PLEKHN1: variants seen among roughly 807,000 people sequenced by gnomAD.
PLEKHN1 encodes pleckstrin homology domain-containing family N member 1.
A neutral mutation model predicts 72.8 loss-of-function variants in PLEKHN1; 68 were observed. The ratio of observed to expected loss-of-function variants is 0.93; its 90% CI spans 0.77 to 1.14. The LOEUF is 1.14. Ranked by LOEUF, PLEKHN1 falls within the 50% of genes most tolerant of loss-of-function variation. PLEKHN1 has a pLI of 0.00. For synonymous variants in PLEKHN1, 454 were observed against 371.6 expected (o/e 1.22, Z -2.55); for missense variants, 1,015 against 840.5 (o/e 1.21, Z -2.57).
At chr1:967,381 C>CT (rs1420069016) in intron 2 of PLEKHN1, among the ~76,000 whole-genome samples, 1 of 151,808 alleles carries the variant, frequency 6.6e-6, no homozygotes, top group Admixed American at 6.6e-5. Context: ...TGCCCACCCC[C>CT]CCCCCAGCCC....
At chr1:972,042 A>G (rs1442416133) in intron 8 of PLEKHN1, 33 bp from the exon 9 acceptor site, 1 of 1,602,802 alleles carries the variant, frequency 6.2e-7, no homozygotes, top group Non-Finnish European at 8.5e-7. Flanking sequence ...GGCTGCCCCT[A>G]CAAAGGCCTG....
intron 10 of PLEKHN1, 70 bp from the exon 11 acceptor site, chr1:972,791 G>A (rs908736136): frequency 1.6e-4 from 239 of 1,456,242 alleles, no homozygotes; most frequent in Non-Finnish European, 2.0e-4. Context: ...GGGACAGCAC[G>A]GTGGGTCCAG....
Position 972,308 on chromosome 1 carries a change from C to T in PLEKHN1, c.886C>T (p.Arg296Cys), listed in dbSNP as rs144338804. 1.1e-5 allele frequency: 18 copies of T among 1,612,354 alleles called. No homozygotes were observed. The highest frequency in any genetic ancestry group is 2.7e-5 in the African/African-American group (2 of 74,948). Residue 296 changes from arginine to cysteine, a missense_variant, in exon 10 of 16, where the codon CGC becomes TGC. Coordinates refer to ENST00000379410, the MANE Select transcript of PLEKHN1 (RefSeq NM_032129.3). Reference sequence around the variant, plus strand: ...GCCAGGCCCCCTCATCAACACCATCCGCGTGGTGTGCGCCAGCTACGAGGA... The same window carrying T: ...GCCAGGCCCCCTCATCAACACCATCTGCGTGGTGTGCGCCAGCTACGAGGA... The part of the protein sequence containing the change: ...LIEGPLINTI[R>C]VVCASYEDYG...
chr1:970,882 C>A lies in PLEKHN1; in HGVS notation c.488C>A (p.Pro163Gln). ...GCCCTCTCTGCCCTGCCCGCAGGCC[C>A]ACTGCCCGCACCCCTCCTGGTGCTC... ...SREHAFQITG[P>Q]LPAPLLVLCP... The change falls in exon 6 of 16, where the codon CCA becomes CAA. Residue 163 changes from proline to glutamine, a missense_variant. Coordinates refer to ENST00000379410, the MANE Select transcript of PLEKHN1 (RefSeq NM_032129.3). This position sits in a 1 kb window ranked among gnomAD's most constrained non-coding sequence, Gnocchi z 4.2. 6.2e-7 allele frequency: 1 copy of A among 1,611,382 alleles called. No homozygotes were observed. The highest frequency in any genetic ancestry group is 8.5e-7 in the Non-Finnish European group (1 of 1,179,900).
chr1:970,147 T>C lies in PLEKHN1; in HGVS notation c.184-130T>C. 1 of 917,304 alleles carries C rather than the reference T, an allele frequency of 1.1e-6. No homozygotes were observed. 56.8% of individuals were successfully genotyped at this position (917,304 alleles called of 1,614,324 possible). On this transcript the variant is annotated intron_variant, in intron 2 of 15. Coordinates refer to ENST00000379410, the MANE Select transcript of PLEKHN1 (RefSeq NM_032129.3). This position sits in a 1 kb window ranked among gnomAD's most constrained non-coding sequence, Gnocchi z 4.2. ...CACAGGTTCTGTGCCTGTGGGGGGC[T>C]GTTCTTCACATATGTGTTGTGTGGC...
At chr1:967,257 C>T (rs909433546) in intron 2 of PLEKHN1, among the ~76,000 whole-genome samples, 12 of 152,200 alleles carry the variant, frequency 7.9e-5, no homozygotes, top group Non-Finnish European at 1.3e-4. Context: ...CCACAGCAAT[C>T]CCTCTGTGCA....
At chr1:967,980 G>A (rs1243094744) in intron 2 of PLEKHN1, among the ~76,000 whole-genome samples, 1 of 152,230 alleles carries the variant, frequency 6.6e-6, no homozygotes, top group Non-Finnish European at 1.5e-5. Context: ...GCCAGTCCTA[G>A]AGCCAGTGCT....
In PLEKHN1 at chr1:970,301, C is replaced by A; in HGVS notation, c.208C>A (p.Arg70=). 1 of 1,613,204 alleles carries A rather than the reference C, an allele frequency of 6.2e-7. No individual in the cohort carries two copies. The highest frequency in any genetic ancestry group is 8.5e-7 in the Non-Finnish European group (1 of 1,179,898). The change falls in exon 3 of 16, where the codon CGA becomes AGA. Residue 70 remains arginine (R), a synonymous_variant. Coordinates refer to ENST00000379410, the MANE Select transcript of PLEKHN1 (RefSeq NM_032129.3). This position sits in a 1 kb window ranked among gnomAD's most constrained non-coding sequence, Gnocchi z 4.2. ...GGACATCCTGGACCTGGAGAACCAGCGAGAAAACCTGGAGCAGCCATTCCT... is the reference window on the plus strand; with the variant it reads ...GGACATCCTGGACCTGGAGAACCAGAGAGAAAACCTGGAGCAGCCATTCCT... The part of the protein sequence containing the change: ...GTDILDLENQ[R]ENLEQPFLSV...
intron 13 of PLEKHN1, 69 bp downstream of exon 13, chr1:973,709 C>T (rs534309825): frequency 3.8e-4 from 597 of 1,581,592 alleles, no homozygotes; most frequent in Non-Finnish European, 4.7e-4. Context: ...AGGTCTAGAC[C>T]GTGCGTCTCA....
rs1382116872 is a variant in PLEKHN1 at position 970,291 on chromosome 1, G to A, written c.198G>A (p.Leu66=). The change falls in exon 3 of 16, where the codon CTG becomes CTA. Residue 66 remains leucine (L), a synonymous_variant. Transcript: ENST00000379410. This position sits in a 1 kb window ranked among gnomAD's most constrained non-coding sequence, Gnocchi z 4.2. Reference sequence around the variant, plus strand: ...ACTCCTCCTAGGACATCCTGGACCTGGAGAACCAGCGAGAAAACCTGGAGC... The same window carrying A: ...ACTCCTCCTAGGACATCCTGGACCTAGAGAACCAGCGAGAAAACCTGGAGC... ...HYIPGTDILD[L]ENQRENLEQP... 1 of 1,613,178 alleles carries A rather than the reference G, an allele frequency of 6.2e-7. No individual in the cohort carries two copies. The highest frequency in any genetic ancestry group is 1.1e-5 in the South Asian group (1 of 91,084).
rs1431899557 is a variant in PLEKHN1 at position 971,151 on chromosome 1, ACCCGG to A, written c.653_657del (p.Pro218ArgfsTer69). 6.3e-7 allele frequency: 1 copy of A among 1,599,752 alleles called. No homozygotes were observed. Among genetic ancestry groups the A allele is most frequent in the South Asian group, 1.1e-5 (1 of 88,770 alleles). Reference sequence around the variant, plus strand: ...GGCTGCGGACGGCGTCAGGGCACGAACCCGGCGGCAGTGCTGTCTGTGCCTCGAGG... The same window carrying A: ...GGCTGCGGACGGCGTCAGGGCACGAACGGCAGTGCTGTCTGTGCCTCGAGG... On this transcript the variant is annotated frameshift_variant, in exon 7 of 16. Transcript: ENST00000379410. LOFTEE classifies it high-confidence loss of function.
chr1:969,470 G>C (rs866804112), intron 2 of PLEKHN1, among the ~76,000 whole-genome samples: 1 of 151,740 alleles, frequency 6.6e-6, no homozygotes. Flanking sequence ...CATGTATGCA[G>C]TGTGCATGTG....
At chr1:968,640 G>A (rs1570018071) in intron 2 of PLEKHN1, among the ~76,000 whole-genome samples, 2 of 152,264 alleles carry the variant, frequency 1.3e-5, no homozygotes, top group East Asian at 1.9e-4. Context: ...GATCCAGTGA[G>A]CGGGGTCAGG....
intron 2 of PLEKHN1, among the ~76,000 whole-genome samples, chr1:967,292 C>T (rs1643054315): frequency 6.6e-6 from 1 of 152,200 alleles, no homozygotes; most frequent in African/African-American, 2.4e-5. Flanking sequence ...CCCAGCTTGC[C>T]AAGGCCATGC....
Position 972,843 on chromosome 1 carries a change from C to T in PLEKHN1, c.1003-18C>T. The T allele has an allele frequency of 2.0e-6, 3 of 1,534,378 alleles. No individual in the cohort carries two copies. The highest frequency in any genetic ancestry group is 1.4e-5 in the African/African-American group (1 of 73,020). Reference sequence around the variant, plus strand: ...AGGGGGTCCAGCCCTCACTCACCCCCACTCACTGCCCATCCAGGTTATGGG... The same window carrying T: ...AGGGGGTCCAGCCCTCACTCACCCCTACTCACTGCCCATCCAGGTTATGGG... On this transcript the variant is annotated intron_variant, in intron 10 of 15. Coordinates refer to ENST00000379410, the MANE Select transcript of PLEKHN1 (RefSeq NM_032129.3).
At chr1:969,424 T>C (rs1273733028) in intron 2 of PLEKHN1, among the ~76,000 whole-genome samples, 1 of 151,994 alleles carries the variant, frequency 6.6e-6, no homozygotes, top group Admixed American at 6.6e-5. Context: ...TGTATACGTG[T>C]GTGTTGGTGT....
In PLEKHN1 at chr1:972,251, A is replaced by ACC. The variant is rs767774822; in HGVS notation, c.866-31_866-30dup. On this transcript the variant is annotated intron_variant, in intron 9 of 15. Transcript: ENST00000379410. Reference sequence around the variant, plus strand: ...CTTTAGTGGGGGCGCTGAGGGGTGCACCCCCCCGCCAGCCCCTCACAGCAT... The same window carrying ACC: ...CTTTAGTGGGGGCGCTGAGGGGTGCACCCCCCCCCGCCAGCCCCTCACAGCAT... 1.6e-5 allele frequency: 24 copies of ACC among 1,547,644 alleles called. No individual in the cohort carries two copies. The Admixed American group carries it at 4.4e-4, about 28-fold the overall frequency.
chr1:971,881 C>A (rs150798101), intron 8 of PLEKHN1, among the ~76,000 whole-genome samples, 194 bp from the exon 9 acceptor site: 1 of 152,230 alleles, frequency 6.6e-6, no homozygotes, highest in Non-Finnish European at 1.5e-5. Context: ...CCCTAGCCGG[C>A]GAAGGCCCCC....
Position 970,720 on chromosome 1 carries a change from C to T in PLEKHN1, c.446C>T (p.Pro149Leu), listed in dbSNP as rs144236796. 543 of 1,601,930 alleles carry T rather than the reference C, an allele frequency of 3.4e-4. 1 individual carries two copies. The highest frequency in any genetic ancestry group is 3.9e-4 in the Non-Finnish European group (463 of 1,172,850). The part of the protein sequence containing the change: ...LLPLTELSVC[P>L]LEGSREHAFQ... ...CCGCTGACGGAGCTGAGTGTCTGCCCGCTCGAGGGGTCCCGAGAGCACGCC... is the reference window on the plus strand; with the variant it reads ...CCGCTGACGGAGCTGAGTGTCTGCCTGCTCGAGGGGTCCCGAGAGCACGCC... Residue 149 changes from proline to leucine, a missense_variant, in exon 5 of 16, where the codon CCG becomes CTG. Pro to Leu is a moderately conservative substitution (Grantham distance 98). Transcript: ENST00000379410. This position sits in a 1 kb window ranked among gnomAD's most constrained non-coding sequence, Gnocchi z 4.2.
Sources: gnomAD v4.1 joint callset for allele counts (sites outside exome capture counted in the v4.1 genomes callset) on GRCh38, gnomAD v4.1.1 for gene constraint, Gnocchi (gnomAD v3.1) non-coding constraint, MANE v1.5 for transcripts, NCBI Gene and HGNC (gene_info 2026-07-23, HGNC 2026-07-21) for gene names.